Variants in WDR74 observed in about 807,000 individuals in gnomAD.
WDR74 encodes the protein WD repeat domain 74.
In WDR74, 31 loss-of-function variants were observed where a neutral mutation model predicts 45.6. The observed-to-expected ratio is 0.68, with a 90% CI of 0.51 to 0.92. The LOEUF is 0.92. Among genes scored for constraint, WDR74 ranks in the 40% least tolerant of loss-of-function variants. The pLI is 0.00. For synonymous variants in WDR74, 191 were observed against 192.4 expected, an observed-to-expected ratio of 0.99 and a Z score of 0.06; for missense variants, 455 against 497.2, an observed-to-expected ratio of 0.92 and a Z score of 0.81.
upstream of WDR74, chr11:62,841,757 A>G (rs1332529071): frequency 6.6e-6 from 1 of 152,188 alleles, no homozygotes; most frequent in Non-Finnish European, 1.5e-5. Flanking sequence ...CAGATATTAA[A>G]CTGATAAGAA....
chr11:62,841,553 A>AGT (rs2134907359), upstream of WDR74: 1 of 150,812 alleles, frequency 6.6e-6, no homozygotes, highest in Admixed American at 7.0e-5. Flanking sequence ...CAAGAACATA[A>AGT]CTATTTAGCT....
At chr11:62,838,766 A>C (rs2084997879) in intron 3 of WDR74, among the ~76,000 whole-genome samples, 2 of 151,728 alleles carry the variant, frequency 1.3e-5, no homozygotes, top group African/African-American at 4.8e-5. Context: ...TCTCCAAAAA[A>C]AAAAAAAACA....
chr11:62,841,809 T>C (rs564457497), upstream of WDR74: 4 of 152,374 alleles, frequency 2.6e-5, no homozygotes, highest in South Asian at 2.1e-4. Context: ...CGAGAAGCGA[T>C]ACCTTTACTT....
intron 3 of WDR74, among the ~76,000 whole-genome samples, chr11:62,838,461 A>G (rs935560645): frequency 6.6e-6 from 1 of 151,738 alleles, no homozygotes; most frequent in African/African-American, 2.4e-5. Flanking sequence ...AGCCTTGCTT[A>G]AAACTATTAA....
chr11:62,836,161 T>G, intron 3 of WDR74, 125 bp from the exon 4 acceptor site: 1 of 1,002,440 alleles, frequency 1.0e-6, no homozygotes, highest in Non-Finnish European at 1.5e-6. Context: ...AAGTATTCTC[T>G]AGGCCCCAAA....
At position 62,833,139 on chromosome 11, in the gene WDR74, G is replaced by A; in HGVS notation, c.979-8C>T. The A allele has an allele frequency of 1.9e-6, 3 of 1,612,156 alleles. No individual in the cohort carries two copies. The highest frequency in any genetic ancestry group is 2.5e-6 in the Non-Finnish European group (3 of 1,179,326). ...AGGCTCTTGGGGCTCATCCTGGTGA[G>A]TGGGAAGAAAGCTTAGGAGTCAGGG... is the stretch of plus-strand genomic sequence containing the variant. On this transcript the variant is annotated splice_polypyrimidine_tract_variant and splice_region_variant and intron_variant, in intron 10 of 10. Transcript: ENST00000278856.
chr11:62,838,235 CT>C (rs1292046243), intron 3 of WDR74, among the ~76,000 whole-genome samples: 1 of 152,140 alleles, frequency 6.6e-6, no homozygotes, highest in African/African-American at 2.4e-5. Context: ...TCACTGCAAC[CT>C]CTGCGGGACG....
At chr11:62,840,412 G>A (rs2085029614), upstream of WDR74, 1 of 151,736 alleles carries the variant, frequency 6.6e-6, no homozygotes, top group Non-Finnish European at 1.5e-5. Flanking sequence ...GAACCCGGGA[G>A]GAGGAGCTTG....
chr11:62,841,458 A>G (rs1461755641), upstream of WDR74: 2 of 152,244 alleles, frequency 1.3e-5, no homozygotes, highest in Middle Eastern at 3.2e-3. Context: ...GCTCAGTTAT[A>G]AAACAAAACC....
At chr11:62,841,397 A>AGGCTGAAGTATGAAGAT (rs2085046561), upstream of WDR74, among the ~76,000 whole-genome samples, 1 of 151,690 alleles carries the variant, frequency 6.6e-6, no homozygotes, top group African/African-American at 2.4e-5. Context: ...ACTACCCCAG[A>AGGCTGAAGTATGAAGAT]GGCTGAAGTA....
upstream of WDR74, chr11:62,841,614 C>G (rs527396761): frequency 2.0e-5 from 3 of 152,206 alleles, no homozygotes; most frequent in East Asian, 1.9e-4. Context: ...GTTCTCTCCC[C>G]GAAGGGAGAG....
chr11:62,833,729 C>A, intron 9 of WDR74, 55 bp from the exon 10 acceptor site: 1 of 1,593,030 alleles, frequency 6.3e-7, no homozygotes. Flanking sequence ...GAAACATGAA[C>A]GGAGGGCACA....
intron 5 of WDR74, 42 bp from the exon 6 acceptor site, chr11:62,835,574 C>G (rs770503116): frequency 6.2e-7 from 1 of 1,612,900 alleles, no homozygotes; most frequent in Non-Finnish European, 8.5e-7. Flanking sequence ...ATGGGGGGCT[C>G]GATGTGCCCC....
At chr11:62,836,326 G>T (rs554532647) in intron 3 of WDR74, 2 of 369,790 alleles carry the variant, frequency 5.4e-6, no homozygotes, top group African/African-American at 4.1e-5. Flanking sequence ...AAATAGAAGC[G>T]CTGAGAAACT....
chr11:62,836,179 C>T (rs959991416), intron 3 of WDR74, 143 bp from the exon 4 acceptor site: 2 of 816,156 alleles, frequency 2.5e-6, no homozygotes, highest in African/African-American at 3.4e-5. Flanking sequence ...AAACTCATAT[C>T]AACCAGATTC....
At chr11:62,837,259 G>A (rs2084971965) in intron 3 of WDR74, among the ~76,000 whole-genome samples, 1 of 151,754 alleles carries the variant, frequency 6.6e-6, no homozygotes, top group African/African-American at 2.4e-5. Flanking sequence ...TTGGGAGGCT[G>A]AGGTGGGCGG....
At position 62,839,192 on chromosome 11, in the gene WDR74, G is replaced by A; in HGVS notation, c.215C>T (p.Thr72Ile). Residue 72 changes from threonine (T) to isoleucine (I), a missense_variant, in exon 3 of 11, where the codon ACC (threonine) becomes ATC (isoleucine). Physicochemically the swap from Thr to Ile is moderately conservative, Grantham distance 89. Coordinates refer to ENST00000278856, the MANE Select transcript of WDR74 (RefSeq NM_001369450.1). ...CADRTVKHFS[T>I]EDGIFQGQRH... ...CTGACCCTGGAATATGCCATCCTCG[G>A]TGCTGAAGTGCTTCACCGTCCTGTC... is the stretch of plus-strand genomic sequence containing the variant. 5 of 1,613,722 alleles carry A rather than the reference G, an allele frequency of 3.1e-6. No homozygotes were observed. The highest frequency in any genetic ancestry group is 4.2e-6 in the Non-Finnish European group (5 of 1,179,894).
chr11:62,837,282 C>T (rs1370122950), intron 3 of WDR74, among the ~76,000 whole-genome samples: 1 of 152,032 alleles, frequency 6.6e-6, no homozygotes, highest in Non-Finnish European at 1.5e-5. Context: ...TGCCTGAGGT[C>T]AGGAGTTCCA....
At chr11:62,835,184 G>A in intron 6 of WDR74, 1 of 502,000 alleles carries the variant, frequency 2.0e-6, no homozygotes, top group Non-Finnish European at 3.6e-6. Flanking sequence ...AATTCCCACA[G>A]TGAAGGGGAT....
Sources: gnomAD v4.1 joint callset for allele counts (sites outside exome capture counted in the v4.1 genomes callset) on GRCh38, gnomAD v4.1.1 for gene constraint, MANE v1.5 for transcripts, NCBI Gene and HGNC (gene_info 2026-07-23, HGNC 2026-07-21) for gene names.